The following CCAR1 variants were observed in gnomAD, a reference collection of about 807,000 sequenced individuals.
The protein encoded by CCAR1 is cell division cycle and apoptosis regulator protein 1.
CCAR1 carries 78 observed loss-of-function variants against 163.8 expected under a neutral mutation model. The observed-to-expected ratio is 0.48, with a 90% CI of 0.40 to 0.57. CCAR1 has a LOEUF of 0.57. CCAR1 is among the 20% of genes least tolerant of loss of function. CCAR1 has a pLI of 0.00. For missense variants in CCAR1, 1,019 were observed against 1,365.2 expected (o/e 0.75, Z 4.00); for synonymous variants, 443 against 460.7 (o/e 0.96, Z 0.49).
At chr10:68,742,659 T>A in intron 6 of CCAR1, 90 bp downstream of exon 6, 1 of 1,044,224 alleles carries the variant, frequency 9.6e-7, no homozygotes, top group Non-Finnish European at 1.5e-6. Flanking sequence ...TAGCCCAGGC[T>A]GGACACAGTT....
At chr10:68,746,385 G>A (rs1000771853) in intron 6 of CCAR1, among the ~76,000 whole-genome samples, 5 of 151,690 alleles carry the variant, frequency 3.3e-5, no homozygotes, top group African/African-American at 1.2e-4. Context: ...CAGGCGATTC[G>A]CACCCGGCTA....
intron 6 of CCAR1, among the ~76,000 whole-genome samples, chr10:68,745,743 C>T (rs138067375): frequency 0.025 from 3,789 of 151,906 alleles, 32 homozygotes; most frequent in Middle Eastern, 0.049. Flanking sequence ...GGATTACAGG[C>T]GTGAGCCACA....
chr10:68,724,748 G>T (rs1213926704), intron 2 of CCAR1, among the ~76,000 whole-genome samples: 1 of 152,156 alleles, frequency 6.6e-6, no homozygotes, highest in Non-Finnish European at 1.5e-5. Context: ...TGGTGCCATT[G>T]CACTACAGTC....
intron 18 of CCAR1, 64 bp from the exon 19 acceptor site, chr10:68,772,924 A>G (rs2056621102): frequency 2.4e-6 from 2 of 838,582 alleles, no homozygotes. Context: ...CAGCGTGGGC[A>G]ATATGGCAAA....
At position 68,749,159 on chromosome 10, in the gene CCAR1, C is replaced by T. The variant is rs1308578865; in HGVS notation, c.850C>T (p.Arg284Cys). The T allele has an allele frequency of 4.3e-6, 7 of 1,613,844 alleles. No homozygotes were observed. Among genetic ancestry groups the T allele is most frequent in the Middle Eastern group, 1.6e-4 (1 of 6,062 alleles). ...QKAGLLQPPVRIVSQPQPARR... is the reference protein window; with the variant it reads ...QKAGLLQPPVCIVSQPQPARR... ...AGCTGGTTTATTGCAGCCTCCTGTT[C>T]GTATAGTTTCACAGCCACAACCGGC... Residue 284 changes from arginine to cysteine, a missense_variant, in exon 9 of 25, where the codon CGT becomes TGT. By Grantham distance (180) the Arg-to-Cys change is radical. Around this residue, in one of 4 missense-constraint regions of CCAR1, gnomAD observed 644 missense variants for 904.4 expected, o/e 0.71. Transcript: ENST00000265872.
intron 2 of CCAR1, among the ~76,000 whole-genome samples, chr10:68,727,693 GACCAGAGCTTTTAGTTTTGAA>G (rs2133301028): frequency 6.6e-6 from 1 of 152,264 alleles, no homozygotes; most frequent in Admixed American, 6.5e-5. Flanking sequence ...CCATTCTAGG[GACCAGAGCTTTTAGTTTTGAA>G]AATTTCTGTT....
At chr10:68,729,650 G>A (rs2056005638) in intron 2 of CCAR1, among the ~76,000 whole-genome samples, 1 of 150,998 alleles carries the variant, frequency 6.6e-6, no homozygotes, top group East Asian at 1.9e-4. Flanking sequence ...GGTGGCACAT[G>A]CCAGTAGTCC....
rs980556058 is a variant in CCAR1 at position 68,792,077 on chromosome 10, G to GA, written c.*825dup. 0.013 allele frequency: 1,399 copies of GA among 106,102 alleles called. 10 individuals are homozygous for GA. Among genetic ancestry groups the GA allele is most frequent in the Middle Eastern group, 0.044 (8 of 182 alleles). 6.6% of individuals were successfully genotyped at this position (106,102 alleles called of 1,614,324 possible). On this transcript the variant is annotated 3_prime_UTR_variant, in exon 25 of 25. Coordinates refer to ENST00000265872, the MANE Select transcript of CCAR1 (RefSeq NM_018237.4). ...CAAGAGTGAAACTCCATCTCAAAAA[G>GA]AAAAAAAAAAAAAATCAGTTTATTT...
At chr10:68,733,132 A>T (rs2056063048) in intron 2 of CCAR1, among the ~76,000 whole-genome samples, 1 of 152,220 alleles carries the variant, frequency 6.6e-6, no homozygotes. Context: ...AAAATAGGCC[A>T]GGCACAGTGG....
At chr10:68,742,177 C>T (rs2056192160) in intron 5 of CCAR1, among the ~76,000 whole-genome samples, 199 bp from the exon 6 acceptor site, 1 of 152,144 alleles carries the variant, frequency 6.6e-6, no homozygotes, top group African/African-American at 2.4e-5. Flanking sequence ...TTAGTAAGAA[C>T]ACTCATCTAA....
chr10:68,752,883 AATAGATAGATAGATAG>A lies in CCAR1; in HGVS notation c.1119-926_1119-911del, dbSNP rs36140870. On this transcript the variant is annotated intron_variant, in intron 10 of 24. Transcript: ENST00000265872. The stretch of plus-strand genomic sequence containing the variant: ...AAGATTCTGCCTGTAGATAGGATAG[AATAGATAGATAGATAG>A]ATAGATAGATAGATAGATAGATAGA... 9.7e-3 allele frequency among the ~76,000 whole-genome samples: 1,388 copies of A among 142,404 alleles called. 20 individuals are homozygous for A. The highest frequency in any genetic ancestry group is 0.028 in the African/African-American group (1,035 of 37,494). 93.4% of individuals were successfully genotyped at this position (142,404 alleles called of 152,430 possible).
At chr10:68,735,220 C>T (rs758871388) in intron 2 of CCAR1, among the ~76,000 whole-genome samples, 11 of 152,058 alleles carry the variant, frequency 7.2e-5, no homozygotes, top group African/African-American at 1.9e-4. Context: ...TGGTGGCTTG[C>T]GCCTGTAGTC....
intron 18 of CCAR1, among the ~76,000 whole-genome samples, chr10:68,772,481 T>TCAAAAAAAA (rs1419463983): frequency 6.7e-6 from 1 of 149,660 alleles, no homozygotes; most frequent in Non-Finnish European, 1.5e-5. Flanking sequence ...AGACTGTGTC[T>TCAAAAAAAA]CAAAAAAAAC....
chr10:68,731,601 T>G (rs1183055981), intron 2 of CCAR1, among the ~76,000 whole-genome samples: 22 of 145,856 alleles, frequency 1.5e-4, no homozygotes, highest in African/African-American at 4.8e-4. Flanking sequence ...GTTTTTTTTT[T>G]TTTTTTTTTT....
rs1296591506 is a variant in CCAR1, at chr10:68,788,049, T to G, written c.3001+2T>G. 6.3e-7 allele frequency: 1 copy of G among 1,586,540 alleles called. No homozygotes were observed. The highest frequency in any genetic ancestry group is 8.5e-7 in the Non-Finnish European group (1 of 1,171,726). On this transcript the variant is annotated splice_donor_variant, in intron 22 of 24. Transcript: ENST00000265872. LOFTEE classifies it high-confidence loss of function. ...AGTCATTGCAGGAAGATATGCTAGGTCTGAGTAATATTAAGATTTTGCTTT... is the reference window on the plus strand; with the variant it reads ...AGTCATTGCAGGAAGATATGCTAGGGCTGAGTAATATTAAGATTTTGCTTT...
intron 15 of CCAR1, 50 bp from the exon 16 acceptor site, chr10:68,760,957 G>GC (rs758986529): frequency 2.9e-5 from 8 of 274,602 alleles, no homozygotes; most frequent in African/African-American, 6.2e-5. Flanking sequence ...GCTGCCCCCC[G>GC]CCCCCCGCCA....
At chr10:68,727,022 T>C (rs1311536106) in intron 2 of CCAR1, among the ~76,000 whole-genome samples, 3 of 148,670 alleles carry the variant, frequency 2.0e-5, no homozygotes, top group African/African-American at 7.4e-5. Flanking sequence ...AAAAATAAAT[T>C]CACAGAATTT....
chr10:68,790,568 C>G (rs2056841607), intron 24 of CCAR1, among the ~76,000 whole-genome samples: 1 of 151,786 alleles, frequency 6.6e-6, no homozygotes, highest in Non-Finnish European at 1.5e-5. Flanking sequence ...TGCACTTTTG[C>G]CCAGGCTGGT....
chr10:68,725,114 C>T (rs1194189320), intron 2 of CCAR1, among the ~76,000 whole-genome samples: 1 of 151,894 alleles, frequency 6.6e-6, no homozygotes, highest in East Asian at 1.9e-4. Context: ...TGCGCTCTAG[C>T]CTGGGCAACG....
Sources: allele counts gnomAD v4.1 joint callset (sites outside exome capture counted in the v4.1 genomes callset), GRCh38; gene constraint gnomAD v4.1.1; regional missense constraint gnomAD v4.1.1; transcripts MANE v1.5; gene names NCBI Gene and HGNC (gene_info 2026-07-23, HGNC 2026-07-21).